MADD: variants seen among roughly 807,000 people sequenced by gnomAD.
MADD encodes the protein MAP kinase activating death domain.
Under a neutral mutation model 176.7 loss-of-function variants are expected in MADD, and 109 were observed. The observed-to-expected ratio is 0.62, with a 90% confidence interval of 0.53 to 0.72. The LOEUF (loss-of-function observed/expected upper bound fraction) is 0.72, where lower values mean the gene tolerates loss of function less well. Ranked by LOEUF, MADD falls within the 30% of genes least tolerant of loss-of-function variation. The pLI is 0.00. For missense variants in MADD, 1,914 were observed against 2,045.5 expected (o/e 0.94, Z 1.24); for synonymous variants, 771 against 771.3 (o/e 1.00, Z 0.01).
In MADD at chr11:47,324,262, C is replaced by T. The variant is rs1339200026; in HGVS notation, c.4363-3C>T. On this transcript the variant is annotated splice_polypyrimidine_tract_variant and splice_region_variant and intron_variant, in intron 28 of 32. Coordinates refer to ENST00000402192, the Ensembl canonical transcript of MADD. ...ATGGGACCACTCTCCCCCTGTGCCA[C>T]AGTGTCGGGAGCTGTACTACTGTGT... 1.2e-5 allele frequency: 19 copies of T among 1,613,886 alleles called. No homozygotes were observed. The highest frequency in any genetic ancestry group is 1.4e-5 in the Non-Finnish European group (17 of 1,179,874).
intron 31 of MADD, 77 bp downstream of exon 35, chr11:47,326,884 A>G: frequency 1.9e-6 from 3 of 1,584,852 alleles, no homozygotes; most frequent in Non-Finnish European, 2.6e-6. Flanking sequence ...AGGAGGGTCT[A>G]GGGGCAGGGA....
At chr11:47,290,256 C>G (rs746957274) in exon 18 of MADD, 2 of 1,614,140 alleles carry the variant, frequency 1.2e-6, no homozygotes, top group East Asian at 4.5e-5. Flanking sequence ...TGGCCAGCAT[C>G]TTTGGGCTTT....
chr11:47,303,631 A>C, intron 22 of MADD, among the ~76,000 whole-genome samples: 1 of 124,874 alleles, frequency 8.0e-6, no homozygotes, highest in East Asian at 2.5e-4. Flanking sequence ...TTTTTGAGAC[A>C]GTCTCACTCT....
At chr11:47,285,186 T>G in exon 13 of MADD, 2 of 1,613,586 alleles carry the variant, frequency 1.2e-6, no homozygotes, top group African/African-American at 2.7e-5. Flanking sequence ...AACATGTCAG[T>G]GGCAATCGGT....
chr11:47,292,475 C>T, intron 19 of MADD, 68 bp from the exon 21 acceptor site: 1 of 1,458,946 alleles, frequency 6.9e-7, no homozygotes, highest in South Asian at 1.1e-5. Context: ...GGTGGGTTTC[C>T]ATTTCGTCTG....
intron 19 of MADD, 83 bp from the exon 22 acceptor site, chr11:47,293,800 C>A: frequency 1.2e-6 from 1 of 862,514 alleles, no homozygotes; most frequent in South Asian, 1.4e-5. Flanking sequence ...GGTCTGGGAA[C>A]AGCCTGTGCT....
At position 47,325,667 on chromosome 11, in the gene MADD, T is replaced by C. The variant is rs1291297166; in HGVS notation, c.4543-1071T>C. Among the ~76,000 whole-genome samples, 3 of 152,178 alleles carry C rather than the reference T, an allele frequency of 2.0e-5. No individual in the cohort carries two copies. The highest frequency in any genetic ancestry group is 7.2e-5 in the African/African-American group (3 of 41,436). ...ACCTTAGGACCATCCCAGAGAGGGG[T>C]CTACCTAAGTGCTTTTCTGGACCAC... On this transcript the variant is annotated intron_variant, in intron 30 of 32. Coordinates refer to ENST00000402192, the Ensembl canonical transcript of MADD. This position sits in a 1 kb window ranked among gnomAD's most constrained non-coding sequence, Gnocchi z 4.5.
intron 21 of MADD, 149 bp downstream of exon 23, chr11:47,295,728 A>G (rs1364367194): frequency 3.3e-6 from 5 of 1,527,612 alleles, no homozygotes; most frequent in South Asian, 2.6e-5. Context: ...GTGTGTGTAT[A>G]CGAGATTTCA....
chr11:47,271,672 A>G (rs1963957595), intron 1 of MADD, among the ~76,000 whole-genome samples: 1 of 151,962 alleles, frequency 6.6e-6, no homozygotes, highest in Non-Finnish European at 1.5e-5. Context: ...TGGTTCTATA[A>G]ATTCTGTTTT....
At chr11:47,311,417 T>G (rs945103922) in intron 25 of MADD, among the ~76,000 whole-genome samples, 6 of 152,214 alleles carry the variant, frequency 3.9e-5, no homozygotes, top group African/African-American at 1.4e-4. Context: ...ATGAAGAGCC[T>G]TGGGTGTTTT....
chr11:47,276,339 A>G, intron 4 of MADD, 137 bp downstream of exon 4: 1 of 787,320 alleles, frequency 1.3e-6, no homozygotes. Context: ...ATGCCTGGTA[A>G]ACAGCAGGTG....
intron 1 of MADD, chr11:47,272,199 A>T (rs1344276429): frequency 6.6e-6 from 1 of 152,092 alleles, no homozygotes; most frequent in Non-Finnish European, 1.5e-5. Context: ...CAAGCAGGGG[A>T]GGGGCTGTGG....
intron 26 of MADD, among the ~76,000 whole-genome samples, chr11:47,312,091 A>G (rs972084731): frequency 6.6e-6 from 1 of 152,122 alleles, no homozygotes; most frequent in African/African-American, 2.4e-5. Context: ...CTAAAATGTT[A>G]TTTGCTGTTT....
intron 14 of MADD, 69 bp from the exon 15 acceptor site, chr11:47,286,364 T>C (rs2060639194): frequency 2.1e-6 from 2 of 962,896 alleles, no homozygotes; most frequent in East Asian, 2.4e-5. Flanking sequence ...CAGATGCTGA[T>C]AGTCATTAGT....
At chr11:47,328,481 G>A in intron 31 of MADD, 177 bp from the exon 36 acceptor site, 1 of 1,476,984 alleles carries the variant, frequency 6.8e-7, no homozygotes. Context: ...AGCTGGCAGA[G>A]TCTGGACAGA....
intron 26 of MADD, among the ~76,000 whole-genome samples, chr11:47,312,603 T>A (rs2090367062): frequency 6.6e-6 from 1 of 152,134 alleles, no homozygotes; most frequent in African/African-American, 2.4e-5. Flanking sequence ...GCCCAGCTAA[T>A]TTTTGTATTT....
At chr11:47,295,960 G>A (rs2071254108) in exon 22 of MADD, 4 of 1,613,998 alleles carry the variant, frequency 2.5e-6, no homozygotes, top group African/African-American at 1.3e-5. Flanking sequence ...TGCAGGTGAT[G>A]GACCAGGTGG....
chr11:47,276,644 T>C, intron 4 of MADD, 88 bp from the exon 5 acceptor site: 1 of 1,523,518 alleles, frequency 6.6e-7, no homozygotes, highest in Non-Finnish European at 9.0e-7. Context: ...CTCGATGAAG[T>C]GGAAACCAAG....
At chr11:47,275,050 C>G (rs772553601) in exon 3 of MADD, 11 of 1,614,264 alleles carry the variant, frequency 6.8e-6, no homozygotes, top group Admixed American at 1.7e-5. Context: ...CAGCCACTAC[C>G]CTTTCTTCTC....
Sources: allele counts gnomAD v4.1 joint callset (sites outside exome capture counted in the v4.1 genomes callset), GRCh38; gene constraint gnomAD v4.1.1; non-coding constraint Gnocchi (gnomAD v3.1); transcripts MANE v1.5; gene names NCBI Gene and HGNC (gene_info 2026-07-23, HGNC 2026-07-21).